PLA2G4E: variants seen among roughly 807,000 people sequenced by gnomAD.
The protein encoded by PLA2G4E is cytosolic phospholipase A2 epsilon.
PLA2G4E carries 84 observed loss-of-function variants against 109.1 expected under a neutral mutation model. The observed-to-expected ratio is 0.77, with a 90% CI of 0.65 to 0.92. PLA2G4E has a LOEUF of 0.92. Ranked by LOEUF, PLA2G4E falls within the 40% of genes least tolerant of loss-of-function variation. The pLI, the probability that PLA2G4E is intolerant of heterozygous loss-of-function variation, is 0.00. For missense variants in PLA2G4E, 1,057 were observed against 1,076.6 expected, an observed-to-expected ratio of 0.98 and a Z score of 0.25; for synonymous variants, 469 against 436.1, an observed-to-expected ratio of 1.08 and a Z score of -0.94.
intron 13 of PLA2G4E, among the ~76,000 whole-genome samples, chr15:41,990,623 T>A (rs530447775): frequency 7.2e-5 from 11 of 151,856 alleles, no homozygotes; most frequent in African/African-American, 1.4e-4. Context: ...CTCCATTTTT[T>A]AAAAAAAATC....
At chr15:42,037,898 C>T (rs562762601) in intron 1 of PLA2G4E, among the ~76,000 whole-genome samples, 63 of 152,360 alleles carry the variant, frequency 4.1e-4, no homozygotes, top group Admixed American at 1.2e-3. Flanking sequence ...ACACCCATTG[C>T]TGCTCTATGC....
intron 4 of PLA2G4E, 106 bp from the exon 5 acceptor site, chr15:42,005,084 C>T: frequency 7.6e-7 from 1 of 1,319,344 alleles, no homozygotes; most frequent in Non-Finnish European, 1.1e-6. Flanking sequence ...CTCCGTCCTT[C>T]CCCCACAGCT....
intron 16 of PLA2G4E, among the ~76,000 whole-genome samples, chr15:41,987,662 T>C (rs2068165408): frequency 6.6e-6 from 1 of 152,106 alleles, no homozygotes; most frequent in Non-Finnish European, 1.5e-5. Context: ...CTATAGACCC[T>C]ACTCTCCTCA....
chr15:41,989,347 G>C, intron 15 of PLA2G4E, 68 bp downstream of exon 15: 9 of 1,593,014 alleles, frequency 5.6e-6, no homozygotes, highest in Non-Finnish European at 1.7e-6. Context: ...CATAATCAGG[G>C]GCCAACCCAG....
chr15:42,000,057 A>C (rs1346757873), intron 8 of PLA2G4E, 47 bp downstream of exon 8: 2 of 1,566,680 alleles, frequency 1.3e-6, no homozygotes, highest in Non-Finnish European at 8.7e-7. Flanking sequence ...GGCACCCCCC[A>C]CCTGTCCCAG....
At chr15:42,016,397 G>A (rs548429947) in intron 1 of PLA2G4E, among the ~76,000 whole-genome samples, 17 of 151,766 alleles carry the variant, frequency 1.1e-4, no homozygotes, top group Non-Finnish European at 2.1e-4. Flanking sequence ...ATGCAGTGGC[G>A]GGATATCTTG....
Position 42,047,445 on chromosome 15 carries a change from A to G in PLA2G4E, c.183+3076T>C, listed in dbSNP as rs190427841. Among the ~76,000 whole-genome samples the G allele has an allele frequency of 6.9e-3, 1,044 of 150,420 alleles. 10 individuals carry two copies. Among genetic ancestry groups the G allele is most frequent in the African/African-American group, 0.024 (996 of 40,992 alleles). On this transcript the variant is annotated intron_variant, in intron 1 of 19. Transcript: ENST00000399518. ...TCACTTTTATAACAATCCCACTCTC[A>G]GTGACTCCCATGAAAACGACATGAA...
At chr15:41,983,912 G>C in exon 20 of PLA2G4E, 1 of 1,613,360 alleles carries the variant, frequency 6.2e-7, no homozygotes. Flanking sequence ...GTGGCATAGG[G>C]AGTTTTGGGA....
Position 42,010,211 on chromosome 15 carries a change from C to G in PLA2G4E, c.257-2346G>C, listed in dbSNP as rs1238773370. 5.7e-6 allele frequency: 3 copies of G among 522,690 alleles called. No homozygotes were observed. The African/African-American group carries it at 5.9e-5, about 10-fold the overall frequency. The allele number at this position is 522,690 out of a possible 1,614,324, so 32.4% of individuals were successfully genotyped here. A position where few individuals can be genotyped will look rare whatever the true frequency, so the allele number is the denominator to read the frequency against. On this transcript the variant is annotated intron_variant, in intron 2 of 19. Coordinates refer to ENST00000399518, the Ensembl canonical transcript of PLA2G4E. ...GGAGCCTGCAGGCAGGGTGCCAGCT[C>G]TATACCTACTGGTTCTGTAATGCAC...
intron 9 of PLA2G4E, 93 bp from the exon 10 acceptor site, chr15:41,999,654 C>T: frequency 6.9e-7 from 1 of 1,441,482 alleles, no homozygotes; most frequent in Non-Finnish European, 9.5e-7. Flanking sequence ...CCACTCAGCA[C>T]ACACGTGCAC....
At chr15:42,036,432 C>T (rs1889216539) in intron 1 of PLA2G4E, among the ~76,000 whole-genome samples, 1 of 152,180 alleles carries the variant, frequency 6.6e-6, no homozygotes, top group African/African-American at 2.4e-5. Context: ...AAAGTGGGAG[C>T]GGTGCCGCTT....
chr15:41,995,642 C>T, intron 11 of PLA2G4E, 146 bp from the exon 12 acceptor site: 1 of 994,520 alleles, frequency 1.0e-6, no homozygotes, highest in Non-Finnish European at 1.5e-6. Flanking sequence ...AGCCACCTGA[C>T]ACCTGCCTTT....
intron 1 of PLA2G4E, among the ~76,000 whole-genome samples, chr15:42,025,494 AC>A (rs1351863083): frequency 1.4e-5 from 2 of 147,280 alleles, no homozygotes; most frequent in Non-Finnish European, 3.0e-5. Flanking sequence ...ACCTCCCCCC[AC>A]CCCCCACTGG....
At chr15:42,007,210 A>G (rs2068485741) in intron 3 of PLA2G4E, among the ~76,000 whole-genome samples, 1 of 152,180 alleles carries the variant, frequency 6.6e-6, no homozygotes, top group African/African-American at 2.4e-5. Flanking sequence ...TCAAAGGATA[A>G]TTATCCCATG....
At chr15:42,009,161 C>G (rs2068506891) in intron 2 of PLA2G4E, 1 of 152,160 alleles carries the variant, frequency 6.6e-6, no homozygotes, top group Non-Finnish European at 1.5e-5. Flanking sequence ...TTAATCCAGA[C>G]AAAAAGAATG....
At position 42,013,882 on chromosome 15, in the gene PLA2G4E, GTTTTTTTTTTTTTTTT is replaced by G. The variant is rs10539531; in HGVS notation, c.184-141_184-126del. The G allele has an allele frequency of 1.7e-3, 234 of 134,306 alleles. 3 individuals are homozygous for G. The highest frequency in any genetic ancestry group is 0.014 in the African/African-American group (222 of 15,698). The allele number at this position is 134,306 out of a possible 1,614,324, so 8.3% of individuals were successfully genotyped here. On this transcript the variant is annotated intron_variant, in intron 1 of 19. Transcript: ENST00000399518. ...TTGCATTACAACAACCCCTAGGCTGGTTTTTTTTTTTTTTTTTTTTTTTTTTTTTACAGAGTTTCAC... is the reference window on the plus strand; with the variant it reads ...TTGCATTACAACAACCCCTAGGCTGGTTTTTTTTTTTTTACAGAGTTTCAC...
chr15:42,050,083 C>T (rs1025720032), intron 1 of PLA2G4E, among the ~76,000 whole-genome samples: 2 of 152,172 alleles, frequency 1.3e-5, no homozygotes, highest in Non-Finnish European at 2.9e-5. Context: ...CTGCATGGTT[C>T]GAGAGCCTAT....
At chr15:42,012,558 C>T (rs1276026680) in intron 2 of PLA2G4E, among the ~76,000 whole-genome samples, 1 of 152,186 alleles carries the variant, frequency 6.6e-6, no homozygotes, top group African/African-American at 2.4e-5. Context: ...AGGACAGCCT[C>T]TCCCCAAGAT....
At chr15:42,031,557 T>C (rs1433767111) in intron 1 of PLA2G4E, among the ~76,000 whole-genome samples, 2 of 152,116 alleles carry the variant, frequency 1.3e-5, no homozygotes, top group Non-Finnish European at 2.9e-5. Flanking sequence ...AGGCTTCCCT[T>C]TTCCCTCCTC....
Sources: allele counts gnomAD v4.1 joint callset (sites outside exome capture counted in the v4.1 genomes callset), GRCh38; gene constraint gnomAD v4.1.1; transcripts MANE v1.5; gene names NCBI Gene and HGNC (gene_info 2026-07-23, HGNC 2026-07-21).